The following ZC3H18 variants were observed in gnomAD, a reference collection of about 807,000 sequenced individuals.
The protein encoded by ZC3H18 is zinc finger CCCH-type containing 18.
ZC3H18 carries 8 observed loss-of-function variants against 106.1 expected under a neutral mutation model. The ratio of observed to expected loss-of-function variants is 0.08; its 90% CI spans 0.04 to 0.14. ZC3H18 has a LOEUF of 0.14. ZC3H18 is among the 10% of genes least tolerant of loss of function. ZC3H18 has a pLI of 1.00. For synonymous variants in ZC3H18, 635 were observed against 522.1 expected (o/e 1.22, Z -2.95); for missense variants, 1,318 against 1,278.4 (o/e 1.03, Z -0.47).
chr16:88,570,575 G>C lies in ZC3H18; in HGVS notation c.-15+9G>C, dbSNP rs1463000629. 1 of 151,800 alleles carries C rather than the reference G, an allele frequency of 6.6e-6. No homozygotes were observed. Among genetic ancestry groups the C allele is most frequent in the Non-Finnish European group, 1.5e-5 (1 of 67,810 alleles). 9.4% of individuals were successfully genotyped at this position (151,800 alleles called of 1,614,324 possible). A position where few individuals can be genotyped will look rare whatever the true frequency, so the allele number is the denominator to read the frequency against. On this transcript the variant is annotated intron_variant, in intron 1 of 17. Transcript: ENST00000301011. Reference sequence around the variant, plus strand: ...TCCGCCCTAGCGCTGAGGTTAGCTGGGGCCGGGAGGGCGGCGGGAGGCCGG... The same window carrying C: ...TCCGCCCTAGCGCTGAGGTTAGCTGCGGCCGGGAGGGCGGCGGGAGGCCGG...
In ZC3H18 at chr16:88,627,290, G is replaced by A. The variant is rs150535936; in HGVS notation, c.2109-332G>A. ...TTACCATGTTGGCCAAGCTGGTCCCGAACTCCTGACATCAGTTCAGCTGGG... is the reference window on the plus strand; with the variant it reads ...TTACCATGTTGGCCAAGCTGGTCCCAAACTCCTGACATCAGTTCAGCTGGG... On this transcript the variant is annotated intron_variant, in intron 13 of 17. Coordinates refer to ENST00000301011, the MANE Select transcript of ZC3H18 (RefSeq NM_144604.4). The surrounding 1 kb of genome is among the most constrained non-coding windows in gnomAD (Gnocchi z 4.5). 1.5e-5 allele frequency: 3 copies of A among 205,166 alleles called. No individual in the cohort carries two copies. Among genetic ancestry groups the A allele is most frequent in the East Asian group, 2.3e-4 (2 of 8,756 alleles). The allele number at this position is 205,166 out of a possible 1,614,324, so 12.7% of individuals were successfully genotyped here.
At position 88,622,326 on chromosome 16, in the gene ZC3H18, G is replaced by A. The variant is rs745545058; in HGVS notation, c.1605G>A (p.Pro535=). ...AGAAACTCGGGGTGTCGGTCTCCCC[G>A]AGCCGGGCTCGAAGGCGTCGGAAAA... The part of the protein sequence containing the change: ...PKKKLGVSVS[P]SRARRRRKTS... The change falls in exon 9 of 18, where the codon CCG becomes CCA. Residue 535 remains proline (P), a synonymous_variant. Transcript: ENST00000301011. The A allele has an allele frequency of 2.0e-5, 33 of 1,613,754 alleles. No homozygotes were observed. Among genetic ancestry groups the A allele is most frequent in the Middle Eastern group, 1.6e-4 (1 of 6,082 alleles).
At chr16:88,590,144 G>A (rs1415159936) in intron 3 of ZC3H18, among the ~76,000 whole-genome samples, 1 of 152,108 alleles carries the variant, frequency 6.6e-6, no homozygotes, top group Non-Finnish European at 1.5e-5. Flanking sequence ...GTAGAGATGG[G>A]ATCTCACTAT....
At chr16:88,576,896 G>A (rs1322999659) in intron 1 of ZC3H18, among the ~76,000 whole-genome samples, 9 of 152,172 alleles carry the variant, frequency 5.9e-5, no homozygotes, top group African/African-American at 1.4e-4. Flanking sequence ...TGCCAAAAAC[G>A]GGAGGCACTT....
At chr16:88,600,523 C>G (rs1331791806) in intron 6 of ZC3H18, among the ~76,000 whole-genome samples, 1 of 152,196 alleles carries the variant, frequency 6.6e-6, no homozygotes, top group African/African-American at 2.4e-5. Context: ...AAGTGATTCT[C>G]CTGCTTCAGC....
rs961801940 is a variant in ZC3H18 at position 88,623,236 on chromosome 16, C to T, written c.1685C>T (p.Ser562Leu). ...SNSSRSSSRSSSYSGSGSSRS... is the reference protein window; with the variant it reads ...SNSSRSSSRSLSYSGSGSSRS... ...CGCCCCAGGTCGTCTTCGCGGTCAT[C>T]GTCCTACTCTGGCTCCGGCTCCTCC... is the stretch of plus-strand genomic sequence containing the variant. The change falls in exon 10 of 18, where the codon TCG (serine) becomes TTG (leucine). Residue 562 changes from serine to leucine, a missense_variant. Around this residue, in one of 6 missense-constraint regions of ZC3H18, gnomAD observed 848 missense variants for 821.7 expected, o/e 1.03. Transcript: ENST00000301011. 6 of 1,613,366 alleles carry T rather than the reference C, an allele frequency of 3.7e-6. No individual in the cohort carries two copies. The highest frequency in any genetic ancestry group is 1.3e-5 in the African/African-American group (1 of 75,052).
At chr16:88,624,992 C>T (rs949937671) in intron 12 of ZC3H18, among the ~76,000 whole-genome samples, 4 of 152,228 alleles carry the variant, frequency 2.6e-5, no homozygotes, top group African/African-American at 9.6e-5. Context: ...GCCATGGCCC[C>T]GTCTGCACTG....
intron 6 of ZC3H18, among the ~76,000 whole-genome samples, chr16:88,602,757 C>T (rs1027715567): frequency 1.4e-4 from 21 of 152,186 alleles, no homozygotes; most frequent in African/African-American, 3.9e-4. Context: ...AAGCAATCCT[C>T]GCGCCTGAGC....
At chr16:88,599,992 C>A in intron 6 of ZC3H18, 44 bp downstream of exon 6, 1 of 1,604,930 alleles carries the variant, frequency 6.2e-7, no homozygotes, top group East Asian at 2.2e-5. Context: ...TTCCTGCATG[C>A]GGCCACGCTC....
chr16:88,617,284 TC>T (rs35520164), intron 8 of ZC3H18, among the ~76,000 whole-genome samples: 137,337 of 152,132 alleles, frequency 0.9, 62,098 homozygotes, highest in Admixed American at 0.93. Flanking sequence ...CTTGACCAGC[TC>T]CCCCCTGGAC....
In ZC3H18 at chr16:88,577,257, C is replaced by T. The variant is rs373790321; in HGVS notation, c.134C>T (p.Ala45Val). ...GATTTGGACGGGGCGGGGGTGAGGG[C>T]TTCTGATCTGGAGGATGAGGAAAGT... ...DQDLDGAGVR[A>V]SDLEDEESAA... is the part of the protein sequence containing the mutation. The change falls in exon 2 of 18, where the codon GCT becomes GTT. Residue 45 changes from alanine (A) to valine (V), a missense_variant. Around this residue, in one of 6 missense-constraint regions of ZC3H18, gnomAD observed 346 missense variants for 269.0 expected, o/e 1.29. Transcript: ENST00000301011. The T allele has an allele frequency of 7.4e-6, 12 of 1,613,374 alleles. No individual in the cohort carries two copies. The highest frequency in any genetic ancestry group is 2.7e-5 in the African/African-American group (2 of 74,852).
intron 4 of ZC3H18, 80 bp downstream of exon 4, chr16:88,598,406 T>G: frequency 1.3e-6 from 2 of 1,538,128 alleles, no homozygotes; most frequent in Non-Finnish European, 8.7e-7. Context: ...GACAAGTCAC[T>G]GTGCCTTAGC....
At chr16:88,615,624 G>A (rs1905550290) in intron 8 of ZC3H18, among the ~76,000 whole-genome samples, 1 of 152,194 alleles carries the variant, frequency 6.6e-6, no homozygotes, top group Admixed American at 6.5e-5. Flanking sequence ...ACAAAATAGG[G>A]GTTTTCACGC....
At chr16:88,614,608 G>T (rs1229257917) in intron 8 of ZC3H18, among the ~76,000 whole-genome samples, 1 of 152,228 alleles carries the variant, frequency 6.6e-6, no homozygotes, top group African/African-American at 2.4e-5. Context: ...ACTAGGCAAA[G>T]TAATCTTCTT....
chr16:88,578,504 C>G (rs758274818), intron 2 of ZC3H18, among the ~76,000 whole-genome samples: 3 of 151,762 alleles, frequency 2.0e-5, no homozygotes, highest in Non-Finnish European at 4.4e-5. Context: ...GAGCAAGGGA[C>G]AGAGCAGTTG....
chr16:88,572,908 C>G (rs1914501730), intron 1 of ZC3H18, among the ~76,000 whole-genome samples: 1 of 151,912 alleles, frequency 6.6e-6, no homozygotes, highest in Admixed American at 6.6e-5. Flanking sequence ...CAGGCACGTG[C>G]CACCATGCCC....
At chr16:88,623,109 G>A in intron 9 of ZC3H18, 110 bp from the exon 10 acceptor site, 2 of 1,467,592 alleles carry the variant, frequency 1.4e-6, no homozygotes, top group Non-Finnish European at 1.8e-6. Context: ...CTGTGCGCTT[G>A]TGTGTAGCTG....
chr16:88,592,466 T>C (rs1915809731), intron 3 of ZC3H18, among the ~76,000 whole-genome samples: 1 of 152,126 alleles, frequency 6.6e-6, no homozygotes, highest in African/African-American at 2.4e-5. Flanking sequence ...TATTTTTCTT[T>C]TTCTTTCATT....
Position 88,630,497 on chromosome 16 carries a change from G to A in ZC3H18, c.2579G>A (p.Arg860Gln), listed in dbSNP as rs770054264. ...ACCTATCACCCAGGTTCTCGGGACC[G>A]GAAGTCAGGTGGGAGACTGGGCTCC... ...NTSPDRGSRD[R>Q]KSGGRLGSPK... The change falls in exon 17 of 18, where the codon CGG becomes CAG. Residue 860 changes from arginine (R) to glutamine (Q), a missense_variant. Arg to Gln is a conservative substitution (Grantham distance 43, BLOSUM62 1). Around this residue, in one of 6 missense-constraint regions of ZC3H18, gnomAD observed 848 missense variants for 821.7 expected, o/e 1.03. Transcript: ENST00000301011. The A allele has an allele frequency of 2.0e-5, 32 of 1,613,204 alleles. No individual in the cohort carries two copies. Among genetic ancestry groups the A allele is most frequent in the South Asian group, 3.3e-5 (3 of 90,872 alleles).
Sources: gnomAD v4.1 joint callset for allele counts (sites outside exome capture counted in the v4.1 genomes callset) on GRCh38, gnomAD v4.1.1 for gene constraint, gnomAD v4.1.1 regional missense constraint, Gnocchi (gnomAD v3.1) non-coding constraint, MANE v1.5 for transcripts, NCBI Gene and HGNC (gene_info 2026-07-23, HGNC 2026-07-21) for gene names.